NAA11: variants seen among roughly 807,000 people sequenced by gnomAD.
NAA11 encodes the protein N-alpha-acetyltransferase 11.
A neutral mutation model predicts 16.1 loss-of-function variants in NAA11; 15 were observed. That is an observed-to-expected ratio of 0.93 (90% CI 0.62 to 1.44). NAA11 has a LOEUF of 1.44. NAA11 is among the 40% of genes most tolerant of loss of function. The probability of loss-of-function intolerance (pLI) is 0.00; values close to 1 mark genes in which losing one functional copy is unlikely to be tolerated. For missense variants in NAA11, 298 were observed against 291.3 expected, an observed-to-expected ratio of 1.02 and a Z score of -0.17; for synonymous variants, 122 against 112.4, an observed-to-expected ratio of 1.09 and a Z score of -0.54.
exon 3 of NAA11, chr4:79,226,210 C>A (rs1470972153): frequency 2.0e-5 from 3 of 152,036 alleles, no homozygotes; most frequent in Non-Finnish European, 4.4e-5. Context: ...CCCAGGTTCT[C>A]CATCCTGTTG....
chr4:79,234,446 C>T (rs1399286790), intron 2 of NAA11, among the ~76,000 whole-genome samples: 1 of 152,122 alleles, frequency 6.6e-6, no homozygotes. Context: ...ATGGTCTACG[C>T]TTAATTGGCC....
At chr4:79,204,828 C>G in the NAA11 span, among the ~76,000 whole-genome samples, 18,085 of 151,570 alleles carry the variant, frequency 0.12, 1,321 homozygotes, top group African/African-American at 0.19. Flanking sequence ...TTTTTCATTC[C>G]TGATTTACTT....
chr4:79,236,874 A>T lies in NAA11; in HGVS notation c.*123-10604T>A, dbSNP rs77965107. 4.3e-3 allele frequency among the ~76,000 whole-genome samples: 659 copies of T among 152,276 alleles called. 4 individuals carry two copies. The highest frequency in any genetic ancestry group is 0.014 in the Middle Eastern group (4 of 294). On this transcript the variant is annotated intron_variant and NMD_transcript_variant, in intron 2 of 2. Coordinates refer to the NAA11 transcript ENST00000511542. ...TATTGGTCATAATGGTGCATAGTCCACCATCTGTCTGATAAAACAACTCCG... is the reference window on the plus strand; with the variant it reads ...TATTGGTCATAATGGTGCATAGTCCTCCATCTGTCTGATAAAACAACTCCG...
chr4:79,208,332 A>C, the NAA11 span, among the ~76,000 whole-genome samples: 1 of 152,312 alleles, frequency 6.6e-6, no homozygotes, highest in South Asian at 2.1e-4. Context: ...AAATGTGATA[A>C]TACTTAATGA....
At chr4:79,313,650 T>G (rs1415364975), downstream of NAA11, among the ~76,000 whole-genome samples, 2 of 152,196 alleles carry the variant, frequency 1.3e-5, no homozygotes, top group East Asian at 3.8e-4. Flanking sequence ...AAACATGGTG[T>G]TTAAATAACC....
chr4:79,325,862 C>T lies in NAA11; in HGVS notation c.16G>A (p.Ala6Thr), dbSNP rs3811765. 2.6e-4 allele frequency: 421 copies of T among 1,609,908 alleles called. No individual in the cohort carries two copies. In the East Asian group the frequency reaches 7.4e-3, roughly 28 times the overall value. Residue 6 changes from alanine to threonine, a missense_variant, in exon 1 of 2, where the codon GCT becomes ACT. Ala to Thr is a moderately conservative substitution (Grantham distance 58). Coordinates refer to ENST00000286794, the MANE Select transcript of NAA11 (RefSeq NM_032693.3). Reference sequence around the variant, plus strand: ...ATATTCATCAGGTCGTCTGGCTGAGCGTTGCGGATGTTCATAATGGCAGAG... The same window carrying T: ...ATATTCATCAGGTCGTCTGGCTGAGTGTTGCGGATGTTCATAATGGCAGAG... MNIRN[A>T]QPDDLMNMQH...
chr4:79,186,109 T>A, the NAA11 span, among the ~76,000 whole-genome samples: 1 of 152,184 alleles, frequency 6.6e-6, no homozygotes, highest in African/African-American at 2.4e-5. Context: ...TGTGGAGATA[T>A]TTCAGGTCAG....
At chr4:79,199,906 T>C in the NAA11 span, among the ~76,000 whole-genome samples, 163 of 152,066 alleles carry the variant, frequency 1.1e-3, 1 homozygote, top group South Asian at 3.5e-3. Context: ...ATTCCTATTA[T>C]AGAACTGGAG....
the NAA11 span, among the ~76,000 whole-genome samples, chr4:79,210,560 A>G: frequency 5.9e-5 from 9 of 152,246 alleles, no homozygotes; most frequent in African/African-American, 1.9e-4. Context: ...AAATTTATCA[A>G]CTACTTATAG....
At chr4:79,179,868 G>C in the NAA11 span, among the ~76,000 whole-genome samples, 1 of 152,150 alleles carries the variant, frequency 6.6e-6, no homozygotes, top group African/African-American at 2.4e-5. Flanking sequence ...CACATGGCTG[G>C]AGAGGCCTCA....
In NAA11 at chr4:79,272,482, A is replaced by G. The variant is rs574520354; in HGVS notation, c.*122+21523T>C. ...AATAGCTTGTTTTATGGGCAAAACTATATAGTAAACTCTTCATTGACAATG... is the reference window on the plus strand; with the variant it reads ...AATAGCTTGTTTTATGGGCAAAACTGTATAGTAAACTCTTCATTGACAATG... On this transcript the variant is annotated intron_variant and NMD_transcript_variant, in intron 2 of 2. Transcript: ENST00000511542. Among the ~76,000 whole-genome samples, 13 of 152,204 alleles carry G rather than the reference A, an allele frequency of 8.5e-5. No individual in the cohort carries two copies. In the East Asian group the frequency reaches 2.3e-3, roughly 27 times the overall value.
the NAA11 span, among the ~76,000 whole-genome samples, chr4:79,220,316 G>A: frequency 2.6e-5 from 4 of 151,960 alleles, no homozygotes; most frequent in South Asian, 8.3e-4. Flanking sequence ...TGATCTGGAG[G>A]TCCTGACCCC....
rs560451034 is a variant in NAA11, at chr4:79,285,567, AATTAATTTTGAGTTGAAAT to A, written c.*122+8419_*122+8437del. Among the ~76,000 whole-genome samples, 1,277 of 152,126 alleles carry A rather than the reference AATTAATTTTGAGTTGAAAT, an allele frequency of 8.4e-3. 3 individuals are homozygous for A. The highest frequency in any genetic ancestry group is 0.024 in the Middle Eastern group (7 of 294). ...ACTGACTAGAGTTAAAGACTTTGGA[AATTAATTTTGAGTTGAAAT>A]ATTAAATGAAGTAGAATGTTTTATC... On this transcript the variant is annotated intron_variant and NMD_transcript_variant, in intron 2 of 2. Coordinates refer to the NAA11 transcript ENST00000511542.
At chr4:79,161,141 C>G in the NAA11 span, among the ~76,000 whole-genome samples, 1 of 152,116 alleles carries the variant, frequency 6.6e-6, no homozygotes, top group South Asian at 2.1e-4. Context: ...CAGCTTCATT[C>G]TTTTGCAAAT....
intron 1 of NAA11, among the ~76,000 whole-genome samples, chr4:79,297,892 C>A (rs1409745228): frequency 6.6e-6 from 1 of 152,180 alleles, no homozygotes; most frequent in Admixed American, 6.5e-5. Context: ...GGGCAGGCTG[C>A]CAGTCCTGCA....
the NAA11 span, among the ~76,000 whole-genome samples, chr4:79,206,376 T>G: frequency 1.3e-5 from 2 of 151,886 alleles, no homozygotes; most frequent in African/African-American, 4.8e-5. Context: ...TCAAAGACTT[T>G]CCCCCCCATC....
the NAA11 span, among the ~76,000 whole-genome samples, chr4:79,183,655 C>CT: frequency 0.088 from 13,048 of 148,604 alleles, 653 homozygotes; most frequent in Middle Eastern, 0.15. Flanking sequence ...TATTGTCTAC[C>CT]TTTTTTTTTT....
intron 1 of NAA11, among the ~76,000 whole-genome samples, chr4:79,311,646 A>G (rs1034184520): frequency 5.3e-5 from 8 of 152,216 alleles, no homozygotes; most frequent in Admixed American, 2.6e-4. Context: ...CTTAGGGTAT[A>G]ACTCTAGGTA....
chr4:79,166,224 G>T, the NAA11 span, among the ~76,000 whole-genome samples: 1 of 152,102 alleles, frequency 6.6e-6, no homozygotes, highest in Admixed American at 6.5e-5. Context: ...TCTCTTGCAC[G>T]TCTTGCTGCT....
Sources: gnomAD v4.1 joint callset for allele counts (sites outside exome capture counted in the v4.1 genomes callset) on GRCh38, gnomAD v4.1.1 for gene constraint, MANE v1.5 for transcripts, NCBI Gene and HGNC (gene_info 2026-07-23, HGNC 2026-07-21) for gene names.